The following STPG3 variants were observed in gnomAD, a reference collection of about 807,000 sequenced individuals.
STPG3 encodes sperm-tail PG-rich repeat containing 3, also known as protein STPG3.
A neutral mutation model predicts 32.5 loss-of-function variants in STPG3; 39 were observed. The ratio of observed to expected loss-of-function variants is 1.20; its 90% confidence interval spans 0.93 to 1.57. The LOEUF is 1.57. Ranked by LOEUF, STPG3 falls within the 40% of genes most tolerant of loss-of-function variation. The probability of loss-of-function intolerance (pLI) is 0.00; values close to 1 mark genes in which losing one functional copy is unlikely to be tolerated. For missense variants in STPG3, 507 were observed against 407.6 expected (o/e 1.24, Z -2.10); for synonymous variants, 209 against 172.4 (o/e 1.21, Z -1.66).
Position 137,251,370 on chromosome 9 carries a change from G to A in STPG3, c.84G>A (p.Leu28=). The change falls in exon 1 of 6, where the codon CTG becomes CTA. Residue 28 remains leucine (L), a synonymous_variant. Transcript: ENST00000412566. ...NGGKHWTHGH[L]RQTQPEPTQP... is the part of the protein sequence containing the mutation. ...GCAAACACTGGACCCATGGTCACCT[G>A]AGGCAGACACAACCAGAGCCCACCC... 2 of 1,613,324 alleles carry A rather than the reference G, an allele frequency of 1.2e-6. No individual in the cohort carries two copies. The highest frequency in any genetic ancestry group is 2.2e-5 in the South Asian group (2 of 91,066).
rs1390662039 is a variant in STPG3 at position 137,252,843 on chromosome 9, C to A, written c.674C>A (p.Pro225His). Residue 225 changes from proline to histidine, a missense_variant, in exon 5 of 6, where the codon CCT becomes CAT. Physicochemically the swap from Pro to His is moderately conservative, Grantham distance 77. Transcript: ENST00000412566. The part of the protein sequence containing the change: ...QSLLQASLQA[P>H]GKRCPGPNTY... ...CTGCTTCAGGCCTCTTTGCAGGCACCTGGCAAGAGATGCCCTGGCCCCAAC... is the reference window on the plus strand; with the variant it reads ...CTGCTTCAGGCCTCTTTGCAGGCACATGGCAAGAGATGCCCTGGCCCCAAC... 6.3e-7 allele frequency: 1 copy of A among 1,574,924 alleles called. No homozygotes were observed. The highest frequency in any genetic ancestry group is 8.6e-7 in the Non-Finnish European group (1 of 1,160,898).
In STPG3 at chr9:137,252,435, A is replaced by AGAGGGCG; in HGVS notation, c.404_410dup. On this transcript the variant is annotated splice_acceptor_variant, in intron 3 of 5. Coordinates refer to ENST00000412566, the MANE Select transcript of STPG3 (RefSeq NM_001004353.4). LOFTEE classifies it high-confidence loss of function. ...TTCTCTCTCTCCATCCTCCAACTAC[A>AGAGGGCG]GAGGGCGGTGGCCGCAGGGCATGGC... The AGAGGGCG allele has an allele frequency of 6.2e-7, 1 of 1,609,608 alleles. No individual in the cohort carries two copies. The highest frequency in any genetic ancestry group is 1.1e-5 in the South Asian group (1 of 89,988).
rs890798843 is a variant in STPG3, at chr9:137,251,743, A to G, written c.116A>G (p.Lys39Arg). ...RQTQPEPTQP[K>R]ASVLLLGPEP... ...GCTGCTGGTCTCCCTTGCAGGCCCA[A>G]GGCATCTGTGCTGTTGTTGGGCCCG... is the stretch of plus-strand genomic sequence containing the variant. The change falls in exon 2 of 6, where the codon AAG becomes AGG. Residue 39 changes from lysine (K) to arginine (R), a missense_variant. Physicochemically the swap from Lys to Arg is conservative, Grantham distance 26. Transcript: ENST00000412566. The G allele has an allele frequency of 4.5e-6, 7 of 1,566,390 alleles. No individual in the cohort carries two copies. The African/African-American group carries it at 9.5e-5, about 21-fold the overall frequency.
chr9:137,251,642 A>C, intron 1 of STPG3, 96 bp from the exon 2 acceptor site: 1 of 1,405,946 alleles, frequency 7.1e-7, no homozygotes, highest in Non-Finnish European at 9.4e-7. Flanking sequence ...GGCTGGGAGC[A>C]GCCGGGGGCT....
In STPG3 at chr9:137,251,845, G is replaced by A. The variant is rs1372667519; in HGVS notation, c.218G>A (p.Gly73Asp). ...EIPVGLRLQT[G>D]TPQESLPTYT... ...CCAGTTGGCCTCAGGTTACAGACGG[G>A]CACCCCCCAGGAGTCCCTGCCCACC... The change falls in exon 2 of 6, where the codon GGC (glycine) becomes GAC (aspartate). Residue 73 changes from glycine to aspartate, a missense_variant. By Grantham distance (94) the Gly-to-Asp change is moderately conservative. Coordinates refer to ENST00000412566, the MANE Select transcript of STPG3 (RefSeq NM_001004353.4). 1.2e-6 allele frequency: 2 copies of A among 1,607,304 alleles called. No individual in the cohort carries two copies. Among genetic ancestry groups the A allele is most frequent in the Admixed American group, 1.7e-5 (1 of 59,048 alleles).
rs1244718161 is a variant in STPG3, at chr9:137,251,298, T to C, written c.12T>C (p.Ser4=). The C allele has an allele frequency of 1.2e-6, 2 of 1,612,096 alleles. No individual in the cohort carries two copies. The highest frequency in any genetic ancestry group is 1.7e-5 in the Admixed American group (1 of 60,020). Residue 4 remains serine (S), a synonymous_variant, in exon 1 of 6, where the codon TCT becomes TCC. Coordinates refer to ENST00000412566, the MANE Select transcript of STPG3 (RefSeq NM_001004353.4). MMN[S]DQKAVKFLAN... ...GCCAGGAGACTCTGATGATGAATTCTGACCAGAAGGCAGTGAAATTCCTGG... is the reference window on the plus strand; with the variant it reads ...GCCAGGAGACTCTGATGATGAATTCCGACCAGAAGGCAGTGAAATTCCTGG...
intron 1 of STPG3, 64 bp downstream of exon 1, chr9:137,251,460 G>C: frequency 5.4e-6 from 7 of 1,291,518 alleles, no homozygotes; most frequent in Non-Finnish European, 7.7e-6. Context: ...CTGAGGGACA[G>C]TGTGGGGGGC....
Position 137,252,645 on chromosome 9 carries a change from C to G in STPG3, c.493-17C>G, listed in dbSNP as rs113734932. ...GGGAGCACCCTGCCCTGCAGCCCGT[C>G]TCCTACCCCCTCGCAGTGGCCCTCG... On this transcript the variant is annotated splice_polypyrimidine_tract_variant and intron_variant, in intron 4 of 5. Transcript: ENST00000412566. The G allele has an allele frequency of 2.6e-6, 4 of 1,530,272 alleles. No individual in the cohort carries two copies. Among genetic ancestry groups the G allele is most frequent in the Non-Finnish European group, 2.6e-6 (3 of 1,134,508 alleles). 94.8% of individuals were successfully genotyped at this position (1,530,272 alleles called of 1,614,324 possible).
chr9:137,251,852 C>A lies in STPG3; in HGVS notation c.225C>A (p.Pro75=), dbSNP rs1837340408. ...GCCTCAGGTTACAGACGGGCACCCC[C>A]CAGGAGTCCCTGCCCACCTACACCC... is the stretch of plus-strand genomic sequence containing the variant. ...PVGLRLQTGT[P]QESLPTYTQT... is the part of the protein sequence containing the mutation. The change falls in exon 2 of 6, where the codon CCC becomes CCA. Residue 75 remains proline, a synonymous_variant. Transcript: ENST00000412566. The A allele has an allele frequency of 6.2e-7, 1 of 1,607,922 alleles. No individual in the cohort carries two copies.
In STPG3 at chr9:137,253,069, T is replaced by A. The variant is rs761768075; in HGVS notation, c.797-46T>A. 2.6e-6 allele frequency: 4 copies of A among 1,541,300 alleles called. No individual in the cohort carries two copies. In the African/African-American group the frequency reaches 5.5e-5, roughly 21 times the overall value. On this transcript the variant is annotated intron_variant, in intron 5 of 5. Coordinates refer to ENST00000412566, the MANE Select transcript of STPG3 (RefSeq NM_001004353.4). ...GTGGGAACTGGGAGCCAGGTTTGAG[T>A]TGGGGCTGCTACCTGGGTGGGGCTC...
chr9:137,252,756 G>C lies in STPG3; in HGVS notation c.587G>C (p.Gly196Ala), dbSNP rs766082469. 5 of 1,560,348 alleles carry C rather than the reference G, an allele frequency of 3.2e-6. No individual in the cohort carries two copies. The East Asian group carries it at 1.2e-4, about 38-fold the overall frequency. ...GCHSASKTPE[G>A]HTHLGLPGAR... Reference sequence around the variant, plus strand: ...CACTCCGCTTCCAAGACACCTGAAGGCCACACCCACCTAGGGCTGCCTGGG... The same window carrying C: ...CACTCCGCTTCCAAGACACCTGAAGCCCACACCCACCTAGGGCTGCCTGGG... Residue 196 changes from glycine (G) to alanine (A), a missense_variant, in exon 5 of 6, where the codon GGC becomes GCC. By Grantham distance (60) the Gly-to-Ala change is moderately conservative. Transcript: ENST00000412566.
At position 137,253,336 on chromosome 9, in the gene STPG3, C is replaced by CT; in HGVS notation, c.*91_*92insT. The CT allele has an allele frequency of 3.2e-6, 5 of 1,547,210 alleles. No individual in the cohort carries two copies. Among genetic ancestry groups the CT allele is most frequent in the Non-Finnish European group, 3.5e-6 (4 of 1,146,754 alleles). Reference sequence around the variant, plus strand: ...CCCAGGCCTCCCCTGGGACTTGGGGCCCCAGCCTGGCCTTCTGACCCTCTG... The same window carrying CT: ...CCCAGGCCTCCCCTGGGACTTGGGGCTCCCAGCCTGGCCTTCTGACCCTCTG... On this transcript the variant is annotated 3_prime_UTR_variant, in exon 6 of 6. Coordinates refer to ENST00000412566, the MANE Select transcript of STPG3 (RefSeq NM_001004353.4).
In STPG3 at chr9:137,253,320, C is replaced by G; in HGVS notation, c.*75C>G. 1 of 1,553,360 alleles carries G rather than the reference C, an allele frequency of 6.4e-7. No individual in the cohort carries two copies. The highest frequency in any genetic ancestry group is 1.2e-5 in the South Asian group (1 of 84,326). On this transcript the variant is annotated 3_prime_UTR_variant, in exon 6 of 6. Transcript: ENST00000412566. ...CCTCCCCCGGGGCTTTCCCAGGCCT[C>G]CCCTGGGACTTGGGGCCCCAGCCTG...
rs1368966811 is a variant in STPG3, at chr9:137,252,526, G to A, written c.492+1G>A. On this transcript the variant is annotated splice_donor_variant, in intron 4 of 5. Coordinates refer to ENST00000412566, the MANE Select transcript of STPG3 (RefSeq NM_001004353.4). LOFTEE classifies it high-confidence loss of function. ...AGCTGACTTCGACCAAGAGCAAAAG[G>A]TTGGGGGCTGGGCAGGAAGGGGGCG... 2 of 1,571,566 alleles carry A rather than the reference G, an allele frequency of 1.3e-6. No individual in the cohort carries two copies. The highest frequency in any genetic ancestry group is 2.3e-5 in the South Asian group (2 of 87,408).
rs552455666 is a variant in STPG3, at chr9:137,251,409, G to A, written c.110+13G>A. On this transcript the variant is annotated intron_variant, in intron 1 of 5. Coordinates refer to ENST00000412566, the MANE Select transcript of STPG3 (RefSeq NM_001004353.4). Reference sequence around the variant, plus strand: ...CAGAGCCCACCCAGTAACTGGCGGAGAGGGGGAGAAGGGGCGGGCCAGCTG... The same window carrying A: ...CAGAGCCCACCCAGTAACTGGCGGAAAGGGGGAGAAGGGGCGGGCCAGCTG... 6.3e-7 allele frequency: 1 copy of A among 1,596,868 alleles called. No individual in the cohort carries two copies. The highest frequency in any genetic ancestry group is 2.2e-5 in the East Asian group (1 of 44,802).
At chr9:137,252,235 C>T (rs1376198827) in intron 3 of STPG3, 100 bp downstream of exon 3, 9 of 1,484,016 alleles carry the variant, frequency 6.1e-6, no homozygotes, top group East Asian at 2.3e-5. Context: ...CCTGAGGGCC[C>T]CTCCACCCTT....
At chr9:137,252,561 C>T (rs1478856477) in intron 4 of STPG3, 36 bp downstream of exon 4, 9 of 1,333,278 alleles carry the variant, frequency 6.8e-6, no homozygotes, top group East Asian at 5.1e-5. Context: ...GGGGAGTCCA[C>T]GCAGGCAGGG....
At position 137,253,180 on chromosome 9, in the gene STPG3, G is replaced by A. The variant is rs772513327; in HGVS notation, c.862G>A (p.Gly288Ser). The A allele has an allele frequency of 5.0e-5, 80 of 1,606,376 alleles. No individual in the cohort carries two copies. The highest frequency in any genetic ancestry group is 6.7e-5 in the Non-Finnish European group (79 of 1,175,914). ...CAACTCACGCTTCCCTTCGGCGCCT[G>A]GCGTGGTCATCCAGGGTGTACGCAG... ...DCNSRFPSAP[G>S]VVIQGVRRPK... The change falls in exon 6 of 6, where the codon GGC (glycine) becomes AGC (serine). Residue 288 changes from glycine to serine, a missense_variant. Gly to Ser is a moderately conservative substitution (Grantham distance 56). Coordinates refer to ENST00000412566, the MANE Select transcript of STPG3 (RefSeq NM_001004353.4).
Position 137,253,257 on chromosome 9 carries a change from C to G in STPG3, c.*12C>G. 6.2e-7 allele frequency: 1 copy of G among 1,601,028 alleles called. No homozygotes were observed. Among genetic ancestry groups the G allele is most frequent in the Non-Finnish European group, 8.5e-7 (1 of 1,174,464 alleles). On this transcript the variant is annotated 3_prime_UTR_variant, in exon 6 of 6. Transcript: ENST00000412566. Reference sequence around the variant, plus strand: ...TCTGCACGCTCTAGAGCCAGCTGGGCACAACCTGCTTGGCCCGGCCACCGA... The same window carrying G: ...TCTGCACGCTCTAGAGCCAGCTGGGGACAACCTGCTTGGCCCGGCCACCGA...
Sources: gnomAD v4.1 joint callset for allele counts on GRCh38, gnomAD v4.1.1 for gene constraint, MANE v1.5 for transcripts, NCBI Gene and HGNC (gene_info 2026-07-23, HGNC 2026-07-21) for gene names.